ZNF384: variants seen among roughly 807,000 people sequenced by gnomAD.
ZNF384 encodes CAG repeat protein 1.
In ZNF384, 20 loss-of-function variants were observed where a neutral mutation model predicts 65.0. The observed-to-expected ratio is 0.31, with a 90% CI of 0.22 to 0.45. ZNF384 has a LOEUF of 0.45. Among genes scored for constraint, ZNF384 ranks in the 20% least tolerant of loss-of-function variants. ZNF384 has a pLI of 1.00. For synonymous variants in ZNF384, 310 were observed against 303.9 expected (o/e 1.02, Z -0.21); for missense variants, 549 against 769.4 (o/e 0.71, Z 3.39).
chr12:6,677,259 C>T lies in ZNF384; in HGVS notation c.687G>A (p.Arg229=), dbSNP rs1309303879. The change falls in exon 7 of 12, where the codon AGG becomes AGA. Residue 229 remains arginine (R), a splice_region_variant and synonymous_variant. Coordinates refer to ENST00000683879, the MANE Select transcript of ZNF384 (RefSeq NM_001385745.1). The part of the protein sequence containing the change: ...DDHQKDGKTY[R]SEGNCGTGNG... ...TTCCTGTGCCGCAGTTCCCTTCGCT[C>T]CTAAAATGGGAACAACATTGCCCAT... is the stretch of plus-strand genomic sequence containing the variant. 1.5e-6 allele frequency: 2 copies of T among 1,311,732 alleles called. No homozygotes were observed. The highest frequency in any genetic ancestry group is 8.7e-5 in the East Asian group (2 of 23,114). 81.3% of individuals were successfully genotyped at this position (1,311,732 alleles called of 1,614,324 possible).
chr12:6,687,466 G>A (rs1320211428), intron 2 of ZNF384, among the ~76,000 whole-genome samples: 1 of 152,074 alleles, frequency 6.6e-6, no homozygotes, highest in Non-Finnish European at 1.5e-5. Context: ...CAACAACTTG[G>A]CTCAGAAACC....
In ZNF384 at chr12:6,667,894, T is replaced by G. The variant is rs748934124; in HGVS notation, c.1647A>C (p.Pro549=). 1 of 1,606,402 alleles carries G rather than the reference T, an allele frequency of 6.2e-7. No individual in the cohort carries two copies. Among genetic ancestry groups the G allele is most frequent in the Admixed American group, 1.7e-5 (1 of 58,918 alleles). ...QQQQQQQQQP[P]PHFQSPGAAP... is the part of the protein sequence containing the mutation. Reference sequence around the variant, plus strand: ...CTGCCCCAGGAGACTGGAAGTGTGGTGGTGGCTGTTGCTGCTGCTGCTGCT... The same window carrying G: ...CTGCCCCAGGAGACTGGAAGTGTGGGGGTGGCTGTTGCTGCTGCTGCTGCT... The change falls in exon 12 of 12, where the codon CCA becomes CCC. Residue 549 remains proline (P), a synonymous_variant. Transcript: ENST00000683879.
intron 9 of ZNF384, chr12:6,671,837 T>C (rs1951623635): frequency 6.5e-6 from 1 of 153,476 alleles, no homozygotes; most frequent in Non-Finnish European, 1.5e-5. Context: ...TCTCTGAACA[T>C]TTAGTACGTG....
Position 6,678,809 on chromosome 12 carries a change from C to A in ZNF384, c.305-99G>T. 3 of 1,473,836 alleles carry A rather than the reference C, an allele frequency of 2.0e-6. No individual in the cohort carries two copies. The highest frequency in any genetic ancestry group is 2.8e-6 in the Non-Finnish European group (3 of 1,059,398). The allele number at this position is 1,473,836 out of a possible 1,614,324, so 91.3% of individuals were successfully genotyped here. A position where few individuals can be genotyped will look rare whatever the true frequency, so the allele number is the denominator to read the frequency against. ...ACAATGCCTAGCACATTGCTAGGCA[C>A]ACAGTAGGCACTTAATAAAAATTTG... On this transcript the variant is annotated intron_variant, in intron 4 of 11. Coordinates refer to ENST00000683879, the MANE Select transcript of ZNF384 (RefSeq NM_001385745.1). The surrounding 1 kb of genome is among the most constrained non-coding windows in gnomAD (Gnocchi z 4.9).
intron 3 of ZNF384, 95 bp downstream of exon 3, chr12:6,679,360 G>T: frequency 7.6e-7 from 1 of 1,313,848 alleles, no homozygotes; most frequent in Non-Finnish European, 1.1e-6. Context: ...AGGGGTGGGG[G>T]ACCCAGTAAA....
At chr12:6,677,018 T>C (rs1953893518) in intron 7 of ZNF384, 149 bp downstream of exon 7, 3 of 326,626 alleles carry the variant, frequency 9.2e-6, no homozygotes, top group South Asian at 7.2e-5. Context: ...AAATAAATGC[T>C]AAATAACTAA....
intron 7 of ZNF384, among the ~76,000 whole-genome samples, chr12:6,675,497 A>G (rs1953147046): frequency 6.6e-6 from 1 of 152,262 alleles, no homozygotes; most frequent in Admixed American, 6.5e-5. Context: ...CAAGGAGATC[A>G]TTAAAATATT....
rs188525242 is a variant in ZNF384, at chr12:6,667,088, A to C, written c.*626T>G. ...CTAAGCCACCTGTGACCAACTTGGG[A>C]ATTTCTGGCCCCTTGGGGACCACAT... On this transcript the variant is annotated 3_prime_UTR_variant, in exon 12 of 12. Coordinates refer to ENST00000683879, the MANE Select transcript of ZNF384 (RefSeq NM_001385745.1). 3.0e-5 allele frequency: 7 copies of C among 233,172 alleles called. No individual in the cohort carries two copies. The highest frequency in any genetic ancestry group is 4.4e-5 in the African/African-American group (2 of 45,028). 14.4% of individuals were successfully genotyped at this position (233,172 alleles called of 1,614,324 possible).
chr12:6,673,982 ATTATTTGGAGGGGCTT>A lies in ZNF384; in HGVS notation c.780-558_780-543del, dbSNP rs1193349002. ...GGGATGGGGGTGAGGAAGTATCAGA[ATTATTTGGAGGGGCTT>A]TTTCAAACCAGGTATGTCTGCTCTC... On this transcript the variant is annotated intron_variant, in intron 7 of 11. Coordinates refer to ENST00000683879, the MANE Select transcript of ZNF384 (RefSeq NM_001385745.1). The surrounding 1 kb of genome is among the most constrained non-coding windows in gnomAD (Gnocchi z 4.7). 2.0e-5 allele frequency among the ~76,000 whole-genome samples: 3 copies of A among 152,056 alleles called. No homozygotes were observed. The highest frequency in any genetic ancestry group is 4.4e-5 in the Non-Finnish European group (3 of 68,010).
chr12:6,682,507 G>A (rs1956400208), intron 2 of ZNF384, among the ~76,000 whole-genome samples: 1 of 152,122 alleles, frequency 6.6e-6, no homozygotes, highest in South Asian at 2.1e-4. Flanking sequence ...CATTTGCCAG[G>A]CATGGTGGCA....
rs762144485 is a variant in ZNF384 at position 6,673,386 on chromosome 12, G to T, written c.834C>A (p.Ser278=). ...FYSKSEMQIH[S]KSHTETKPHK... is the part of the protein sequence containing the mutation. ...GGGGCTTGGTCTCGGTGTGTGACTT[G>T]GAGTGGATCTGCATCTCCGACTTGG... The change falls in exon 8 of 12, where the codon TCC becomes TCA. Residue 278 remains serine, a synonymous_variant. Coordinates refer to ENST00000683879, the MANE Select transcript of ZNF384 (RefSeq NM_001385745.1). The surrounding 1 kb of genome is among the most constrained non-coding windows in gnomAD (Gnocchi z 4.7). 5 of 1,613,946 alleles carry T rather than the reference G, an allele frequency of 3.1e-6. No individual in the cohort carries two copies. Among genetic ancestry groups the T allele is most frequent in the Non-Finnish European group, 4.2e-6 (5 of 1,180,018 alleles).
Position 6,672,828 on chromosome 12 carries a change from A to C in ZNF384, c.1005-296T>G, listed in dbSNP as rs1952045316. Among the ~76,000 whole-genome samples the C allele has an allele frequency of 6.6e-6, 1 of 152,162 alleles. No individual in the cohort carries two copies. The highest frequency in any genetic ancestry group is 2.4e-5 in the African/African-American group (1 of 41,432). On this transcript the variant is annotated intron_variant, in intron 8 of 11. Coordinates refer to ENST00000683879, the MANE Select transcript of ZNF384 (RefSeq NM_001385745.1). This position sits in a 1 kb window ranked among gnomAD's most constrained non-coding sequence, Gnocchi z 4.4. Reference sequence around the variant, plus strand: ...CCCTCCGCTTTCTCCTAAGGTTAACACACTCACCACAGACACCCTGCTTCC... The same window carrying C: ...CCCTCCGCTTTCTCCTAAGGTTAACCCACTCACCACAGACACCCTGCTTCC...
chr12:6,682,443 G>C (rs1956379283), intron 2 of ZNF384, among the ~76,000 whole-genome samples: 1 of 152,144 alleles, frequency 6.6e-6, no homozygotes, highest in African/African-American at 2.4e-5. Flanking sequence ...CAGATTGCTT[G>C]AGTCCACCAG....
chr12:6,673,504 C>T lies in ZNF384; in HGVS notation c.780-64G>A. On this transcript the variant is annotated intron_variant, in intron 7 of 11. Transcript: ENST00000683879. This position sits in a 1 kb window ranked among gnomAD's most constrained non-coding sequence, Gnocchi z 4.7. ...CAAGAAGGTGTGGCTGAACCCTCCC[C>T]TCTACTTCCAAGAGAAGCCCACCTA... The T allele has an allele frequency of 6.8e-7, 1 of 1,468,882 alleles. No homozygotes were observed. The highest frequency in any genetic ancestry group is 9.4e-7 in the Non-Finnish European group (1 of 1,069,012). The allele number at this position is 1,468,882 out of a possible 1,614,324, so 91.0% of individuals were successfully genotyped here.
chr12:6,670,644 G>T, intron 10 of ZNF384, 116 bp downstream of exon 10: 2 of 959,976 alleles, frequency 2.1e-6, no homozygotes, highest in Middle Eastern at 2.1e-4. Context: ...AACTCTTTGG[G>T]TCCCTCAATA....
intron 10 of ZNF384, among the ~76,000 whole-genome samples, chr12:6,669,498 C>CTT (rs575581443): frequency 5.6e-5 from 8 of 141,696 alleles, no homozygotes; most frequent in Admixed American, 1.4e-4. Flanking sequence ...GGTCAAAACT[C>CTT]TTTTTTTTTT....
chr12:6,678,066 A>C lies in ZNF384; in HGVS notation c.686+61T>G, dbSNP rs1954395785. Reference sequence around the variant, plus strand: ...GACCGGGGCAGAACACAATGAGGGTACAGGGAGAATCACCAAGCCAGGGAT... The same window carrying C: ...GACCGGGGCAGAACACAATGAGGGTCCAGGGAGAATCACCAAGCCAGGGAT... On this transcript the variant is annotated intron_variant, in intron 6 of 11. Coordinates refer to ENST00000683879, the MANE Select transcript of ZNF384 (RefSeq NM_001385745.1). The surrounding 1 kb of genome is among the most constrained non-coding windows in gnomAD (Gnocchi z 4.9). 6.7e-7 allele frequency: 1 copy of C among 1,482,946 alleles called. No individual in the cohort carries two copies. The highest frequency in any genetic ancestry group is 1.2e-5 in the South Asian group (1 of 81,166). The allele number at this position is 1,482,946 out of a possible 1,614,324, so 91.9% of individuals were successfully genotyped here.
In ZNF384 at chr12:6,678,263, C is replaced by T; in HGVS notation, c.550G>A (p.Gly184Ser). 6.2e-7 allele frequency: 1 copy of T among 1,614,150 alleles called. No individual in the cohort carries two copies. Among genetic ancestry groups the T allele is most frequent in the Non-Finnish European group, 8.5e-7 (1 of 1,180,028 alleles). ...EEGGGGGGGG[G>S]SVAPKPPRGR... Reference sequence around the variant, plus strand: ...CGGGGTGGCTTAGGAGCCACACTGCCACCTCCACCACCACCTCCGCCTCCT... The same window carrying T: ...CGGGGTGGCTTAGGAGCCACACTGCTACCTCCACCACCACCTCCGCCTCCT... The change falls in exon 6 of 12, where the codon GGC becomes AGC. Residue 184 changes from glycine (G) to serine (S), a missense_variant. Gly to Ser is a moderately conservative substitution (Grantham distance 56, BLOSUM62 0). Transcript: ENST00000683879. The surrounding 1 kb of genome is among the most constrained non-coding windows in gnomAD (Gnocchi z 4.9).
chr12:6,669,354 G>A (rs1260693236), intron 10 of ZNF384, among the ~76,000 whole-genome samples, 165 bp from the exon 11 acceptor site: 1 of 152,182 alleles, frequency 6.6e-6, no homozygotes, highest in Non-Finnish European at 1.5e-5. Flanking sequence ...TACAGGCTAA[G>A]GGTGGAAGCA....
Sources: allele counts gnomAD v4.1 joint callset (sites outside exome capture counted in the v4.1 genomes callset), GRCh38; gene constraint gnomAD v4.1.1; non-coding constraint Gnocchi (gnomAD v3.1); transcripts MANE v1.5; gene names NCBI Gene and HGNC (gene_info 2026-07-23, HGNC 2026-07-21).